Variants in AKAP12 observed in about 807,000 individuals in gnomAD.
The protein encoded by AKAP12 is A-kinase anchoring protein 12, also known as A-kinase anchor protein 12.
Under a neutral mutation model 79.9 loss-of-function variants are expected in AKAP12, and 32 were observed. That is an observed-to-expected ratio of 0.40 (90% confidence interval 0.30 to 0.54). The LOEUF is 0.54. Among genes scored for constraint, AKAP12 ranks in the 20% least tolerant of loss-of-function variants. The probability of loss-of-function intolerance (pLI) is 0.48; values close to 1 mark genes in which losing one functional copy is unlikely to be tolerated. For missense variants in AKAP12, 2,074 were observed against 2,177.0 expected (o/e 0.95, Z 0.94); for synonymous variants, 808 against 857.0 (o/e 0.94, Z 1.00).
intron 2 of AKAP12, among the ~76,000 whole-genome samples, chr6:151,277,944 ATGTG>A (rs10524824): frequency 0.024 from 3,602 of 148,198 alleles, 86 homozygotes; most frequent in African/African-American, 0.058. Flanking sequence ...TAATAGGTTT[ATGTG>A]TGTGTGTGTG....
chr6:151,256,501 C>T (rs1481897904), intron 2 of AKAP12, among the ~76,000 whole-genome samples: 1 of 151,764 alleles, frequency 6.6e-6, no homozygotes, highest in Non-Finnish European at 1.5e-5. Flanking sequence ...TAATCTGGGA[C>T]TGAGAAAATA....
chr6:151,257,823 G>A (rs2114693653), intron 2 of AKAP12, among the ~76,000 whole-genome samples: 1 of 152,294 alleles, frequency 6.6e-6, no homozygotes, highest in South Asian at 2.1e-4. Context: ...AGTTACATCT[G>A]TCTAGACTTG....
intron 3 of AKAP12, chr6:151,324,436 C>A (rs1405600813): frequency 2.0e-6 from 2 of 985,402 alleles, no homozygotes; most frequent in Non-Finnish European, 2.4e-6. Context: ...CCAAAAAGTG[C>A]AACTACGTGC....
intron 2 of AKAP12, among the ~76,000 whole-genome samples, chr6:151,283,626 C>T (rs1411059625): frequency 6.6e-6 from 1 of 152,132 alleles, no homozygotes; most frequent in Non-Finnish European, 1.5e-5. Context: ...AAGCAGGCAC[C>T]TAGAGGTGAA....
intron 3 of AKAP12, among the ~76,000 whole-genome samples, chr6:151,307,006 G>C (rs1467742113): frequency 6.6e-6 from 1 of 152,202 alleles, no homozygotes; most frequent in African/African-American, 2.4e-5. Context: ...AAGTCTGTAA[G>C]GTTAAGACAA....
intron 3 of AKAP12, among the ~76,000 whole-genome samples, chr6:151,328,654 T>G (rs1383521680): frequency 2.0e-5 from 3 of 150,574 alleles, no homozygotes; most frequent in Non-Finnish European, 4.4e-5. Context: ...AAAAAAAAAA[T>G]TAAATTGACA....
At position 151,300,234 on chromosome 6, in the gene AKAP12, C is replaced by T. The variant is rs1776832035; in HGVS notation, c.163-5513C>T. Among the ~76,000 whole-genome samples the T allele has an allele frequency of 5.9e-5, 9 of 152,228 alleles. No individual in the cohort carries two copies. The South Asian group carries it at 1.9e-3, about 32-fold the overall frequency. On this transcript the variant is annotated intron_variant, in intron 2 of 4. Coordinates refer to ENST00000402676, the MANE Select transcript of AKAP12 (RefSeq NM_005100.4). ...TAATCTTTAAGTCTGATGATTTGAT[C>T]ATTTGTGGGTGTGTCCTGGTTATAT...
chr6:151,288,899 C>T (rs779111595), intron 2 of AKAP12, among the ~76,000 whole-genome samples: 2 of 152,178 alleles, frequency 1.3e-5, no homozygotes, highest in South Asian at 2.1e-4. Context: ...CGCCCTGTAG[C>T]GGCTGGCAGC....
intron 2 of AKAP12, among the ~76,000 whole-genome samples, chr6:151,281,660 C>T (rs927435289): frequency 1.8e-4 from 27 of 152,186 alleles, no homozygotes; most frequent in African/African-American, 6.0e-4. Context: ...GACCCAATTT[C>T]CTGCGGCTTC....
intron 3 of AKAP12, among the ~76,000 whole-genome samples, chr6:151,332,307 A>T (rs1174162620): frequency 6.6e-6 from 1 of 152,038 alleles, no homozygotes; most frequent in Non-Finnish European, 1.5e-5. Flanking sequence ...AAGTGCTGGG[A>T]TTACAGACGT....
At chr6:151,264,418 C>T (rs560569180) in intron 2 of AKAP12, among the ~76,000 whole-genome samples, 2 of 149,610 alleles carry the variant, frequency 1.3e-5, no homozygotes, top group South Asian at 4.3e-4. Flanking sequence ...CACCTGTAAT[C>T]CCAGCACTTT....
At chr6:151,266,444 G>A (rs1351553181) in intron 2 of AKAP12, among the ~76,000 whole-genome samples, 1 of 152,194 alleles carries the variant, frequency 6.6e-6, no homozygotes, top group Non-Finnish European at 1.5e-5. Context: ...ATGGCGTAAG[G>A]AGGAAGGCAC....
intron 2 of AKAP12, among the ~76,000 whole-genome samples, chr6:151,271,435 C>T (rs1416401524): frequency 2.6e-5 from 4 of 151,466 alleles, no homozygotes; most frequent in Admixed American, 6.6e-5. Flanking sequence ...GATCCTCCCA[C>T]CTCAGCCTCC....
intron 2 of AKAP12, among the ~76,000 whole-genome samples, chr6:151,242,575 A>G (rs186677957): frequency 1.3e-4 from 20 of 152,368 alleles, no homozygotes; most frequent in Admixed American, 5.2e-4. Context: ...CAGGCTTTGA[A>G]CACAAATGTC....
At chr6:151,315,652 A>T (rs539407831) in intron 3 of AKAP12, among the ~76,000 whole-genome samples, 1 of 152,338 alleles carries the variant, frequency 6.6e-6, no homozygotes, top group South Asian at 2.1e-4. Flanking sequence ...TTACATGATT[A>T]AGGCAATGAT....
chr6:151,328,401 G>A (rs549422085), intron 3 of AKAP12, among the ~76,000 whole-genome samples: 113 of 151,276 alleles, frequency 7.5e-4, no homozygotes, highest in African/African-American at 2.5e-3. Flanking sequence ...CACTTTGGGA[G>A]GCGGAGGCGG....
Position 151,350,583 on chromosome 6 carries a change from G to T in AKAP12, c.2192G>T (p.Gly731Val), listed in dbSNP as rs144530820. The change falls in exon 4 of 5, where the codon GGT (glycine) becomes GTT (valine). Residue 731 changes from glycine (G) to valine (V), a missense_variant. Around this residue, in one of 3 missense-constraint regions of AKAP12, gnomAD observed 1,428 missense variants for 1,451.0 expected, o/e 0.98. Transcript: ENST00000402676. The surrounding 1 kb of genome is among the most constrained non-coding windows in gnomAD (Gnocchi z 4.8). ...KETGTDGILA[G>V]SQEHDPGQGS... The stretch of plus-strand genomic sequence containing the variant: ...ACGGGGACAGACGGGATCCTTGCTG[G>T]TTCCCAAGAACATGATCCAGGGCAG... The T allele has an allele frequency of 1.7e-4, 272 of 1,614,118 alleles. No homozygotes were observed. The African/African-American group carries it at 2.7e-3, about 16-fold the overall frequency.
intron 3 of AKAP12, among the ~76,000 whole-genome samples, chr6:151,338,279 C>A (rs904444852): frequency 2.0e-5 from 3 of 152,116 alleles, no homozygotes; most frequent in African/African-American, 7.2e-5. Context: ...ACAATATCCA[C>A]CCTAGGGTCA....
rs140684743 is a variant in AKAP12 at position 151,309,164 on chromosome 6, C to T, written c.319+3261C>T. 1.5e-3 allele frequency among the ~76,000 whole-genome samples: 229 copies of T among 152,250 alleles called. 2 individuals carry two copies. Among genetic ancestry groups the T allele is most frequent in the Non-Finnish European group, 2.7e-3 (184 of 68,026 alleles). On this transcript the variant is annotated intron_variant, in intron 3 of 4. Coordinates refer to ENST00000402676, the MANE Select transcript of AKAP12 (RefSeq NM_005100.4). ...TGCTGGGATTACAGGCTTGAGTCAC[C>T]GTGCCCGGCTCGCTCATGATTAGGC... is the stretch of plus-strand genomic sequence containing the variant.
Sources: allele counts gnomAD v4.1 joint callset (sites outside exome capture counted in the v4.1 genomes callset), GRCh38; gene constraint gnomAD v4.1.1; regional missense constraint gnomAD v4.1.1; non-coding constraint Gnocchi (gnomAD v3.1); transcripts MANE v1.5; gene names NCBI Gene and HGNC (gene_info 2026-07-23, HGNC 2026-07-21).